The following SCART1 variants were observed in gnomAD, a reference collection of about 807,000 sequenced individuals.
SCART1 encodes scavenger receptor cysteine-rich domain-containing protein SCART1.
SCART1 carries 62 observed loss-of-function variants against 36.2 expected under a neutral mutation model. The ratio of observed to expected loss-of-function variants is 1.71; its 90% CI spans 1.40 to 2.12. SCART1 has a LOEUF of 2.12. SCART1 is among the 30% of genes most tolerant of loss of function. The probability of loss-of-function intolerance (pLI) is 0.00; values close to 1 mark genes in which losing one functional copy is unlikely to be tolerated. For missense variants in SCART1, 1,041 were observed against 540.5 expected, an observed-to-expected ratio of 1.93 and a Z score of -9.18; for synonymous variants, 487 against 238.7, an observed-to-expected ratio of 2.04 and a Z score of -9.59.
intron 6 of SCART1, among the ~76,000 whole-genome samples, chr10:133,460,456 T>G (rs1483961308): frequency 2.9e-5 from 4 of 136,696 alleles, no homozygotes; most frequent in African/African-American, 1.2e-4. Context: ...GCGCTTGAAG[T>G]TTCCATCCGA....
At position 133,455,517 on chromosome 10, in the gene SCART1, C is replaced by T. The variant is rs577566727; in HGVS notation, c.68-720C>T. ...AGTCCTCCAGGGGCCCTGGAGGCTGCTCTGGGACCACACAGCACCACCCAC... is the reference window on the plus strand; with the variant it reads ...AGTCCTCCAGGGGCCCTGGAGGCTGTTCTGGGACCACACAGCACCACCCAC... On this transcript the variant is annotated intron_variant, in intron 1 of 11. Coordinates refer to ENST00000640237, the Ensembl canonical transcript of SCART1. 7.2e-5 allele frequency among the ~76,000 whole-genome samples: 11 copies of T among 152,130 alleles called. No homozygotes were observed. The East Asian group carries it at 2.1e-3, about 30-fold the overall frequency.
Position 133,461,025 on chromosome 10 carries a change from C to T in SCART1, c.1969+855C>T, listed in dbSNP as rs116142883. ...TGTTGGGATTACAGGTGTGAGCCAC[C>T]GCACCTGACCATTTTGCAGACTATT... On this transcript the variant is annotated intron_variant, in intron 6 of 11. Coordinates refer to ENST00000640237, the Ensembl canonical transcript of SCART1. 4.6e-3 allele frequency among the ~76,000 whole-genome samples: 696 copies of T among 152,188 alleles called. 7 individuals are homozygous for T. The highest frequency in any genetic ancestry group is 0.015 in the African/African-American group (635 of 41,490).
At position 133,456,203 on chromosome 10, in the gene SCART1, T is replaced by G. The variant is rs1037693263; in HGVS notation, c.68-34T>G. 4.3e-6 allele frequency: 3 copies of G among 690,688 alleles called. No individual in the cohort carries two copies. In the African/African-American group the frequency reaches 5.3e-5, roughly 12 times the overall value. 42.8% of individuals were successfully genotyped at this position (690,688 alleles called of 1,614,324 possible). On this transcript the variant is annotated intron_variant, in intron 1 of 11. Coordinates refer to ENST00000640237, the Ensembl canonical transcript of SCART1. The stretch of plus-strand genomic sequence containing the variant: ...ATCTCCTCCTGCGCCTCTGGTTGGT[T>G]CTGGCCCCTCTAACTGGACCTGTCT...
chr10:133,461,778 A>G (rs1290986502), intron 6 of SCART1, among the ~76,000 whole-genome samples: 1 of 152,232 alleles, frequency 6.6e-6, no homozygotes, highest in African/African-American at 2.4e-5. Context: ...TGAGAATGAC[A>G]GGTCATTTTC....
At chr10:133,460,496 A>ATATATATATATATATATATATATATTTTT in intron 6 of SCART1, among the ~76,000 whole-genome samples, 1 of 135,998 alleles carries the variant, frequency 7.4e-6, no homozygotes, top group Non-Finnish European at 1.6e-5. Flanking sequence ...ATATTTATAT[A>ATATATATATATATATATATATATATTTTT]TTTTAAAAAA....
chr10:133,464,804 G>C, exon 7 of SCART1: 1 of 702,660 alleles, frequency 1.4e-6, no homozygotes, highest in Non-Finnish European at 2.6e-6. Flanking sequence ...TGCGGGCACC[G>C]GGACCGCCTG....
chr10:133,460,496 A>ATATATATTTT, intron 6 of SCART1, among the ~76,000 whole-genome samples: 11 of 136,006 alleles, frequency 8.1e-5, no homozygotes, highest in Admixed American at 1.4e-4. Flanking sequence ...ATATTTATAT[A>ATATATATTTT]TTTTAAAAAA....
At chr10:133,467,722 T>C in intron 11 of SCART1, 125 bp from the exon 12 acceptor site, 1 of 550,758 alleles carries the variant, frequency 1.8e-6, no homozygotes, top group Admixed American at 3.1e-5. Context: ...CAGGATGCCT[T>C]GAACATTGCC....
chr10:133,456,630 C>G, intron 2 of SCART1, 76 bp downstream of exon 2: 1 of 593,172 alleles, frequency 1.7e-6, no homozygotes, highest in Non-Finnish European at 3.0e-6. Context: ...ACTGGGAGGA[C>G]GCAGAGGAGG....
exon 12 of SCART1, chr10:133,468,993 C>T (rs1850790822): frequency 6.6e-6 from 1 of 152,272 alleles, no homozygotes; most frequent in East Asian, 1.9e-4. Context: ...TACACTCCCA[C>T]CAACAGTGTA....
intron 6 of SCART1, among the ~76,000 whole-genome samples, chr10:133,460,525 A>ATATTTATT (rs67784742): frequency 0.66 from 88,291 of 134,068 alleles, 31,071 homozygotes; most frequent in Non-Finnish European, 0.79. Context: ...ATTTATTTAA[A>ATATTTATT]TATTTATTTA....
At chr10:133,460,496 A>ATATATATATATATATATATATTTT in intron 6 of SCART1, among the ~76,000 whole-genome samples, 2 of 136,016 alleles carry the variant, frequency 1.5e-5, no homozygotes, top group South Asian at 5.4e-4. Flanking sequence ...ATATTTATAT[A>ATATATATATATATATATATATTTT]TTTTAAAAAA....
chr10:133,463,926 T>C, intron 6 of SCART1, among the ~76,000 whole-genome samples: 1 of 152,160 alleles, frequency 6.6e-6, no homozygotes, highest in Non-Finnish European at 1.5e-5. Flanking sequence ...ATTCCTCTTA[T>C]CCAGCTGTAA....
chr10:133,456,543 C>T (rs762317425), exon 2 of SCART1: 67 of 663,854 alleles, frequency 1.0e-4, no homozygotes, highest in East Asian at 1.6e-4. Context: ...GTGGTGGTCG[C>T]GCTGTGCTCC....
At chr10:133,465,784 T>G in intron 9 of SCART1, 5 of 689,024 alleles carry the variant, frequency 7.3e-6, no homozygotes, top group Non-Finnish European at 1.3e-5. Context: ...GGGAATTCCC[T>G]TTTGTTTATT....
downstream of SCART1, among the ~76,000 whole-genome samples, chr10:133,469,736 G>T (rs1052445995): frequency 6.6e-6 from 1 of 152,080 alleles, no homozygotes; most frequent in Admixed American, 6.5e-5. Context: ...AGAACTTAAA[G>T]AATAATTTAA....
intron 2 of SCART1, 49 bp downstream of exon 2, chr10:133,456,603 G>C (rs1850616406): frequency 3.2e-6 from 2 of 617,456 alleles, no homozygotes; most frequent in Non-Finnish European, 5.8e-6. Flanking sequence ...AGGAGGAGTG[G>C]GAGGACGAGG....
exon 6 of SCART1, chr10:133,459,785 C>A: frequency 3.0e-6 from 2 of 673,962 alleles, no homozygotes; most frequent in South Asian, 1.6e-5. Context: ...CCTCGCGGGA[C>A]GCCGGCGTGG....
intron 6 of SCART1, among the ~76,000 whole-genome samples, chr10:133,460,697 G>A (rs992837266): frequency 1.3e-5 from 2 of 151,466 alleles, no homozygotes; most frequent in African/African-American, 4.9e-5. Context: ...CACTGCCGCT[G>A]GCTTCAGATT....
Sources: gnomAD v4.1 joint callset for allele counts (sites outside exome capture counted in the v4.1 genomes callset) on GRCh38, gnomAD v4.1.1 for gene constraint, MANE v1.5 for transcripts, NCBI Gene and HGNC (gene_info 2026-07-23, HGNC 2026-07-21) for gene names.